The following SORL1 variants were observed in gnomAD, a reference collection of about 807,000 sequenced individuals.
The protein encoded by SORL1 is sortilin-related receptor.
A neutral mutation model predicts 273.7 loss-of-function variants in SORL1; 127 were observed. The ratio of observed to expected loss-of-function variants is 0.46; its 90% CI spans 0.40 to 0.54. SORL1 has a LOEUF of 0.54. SORL1 is among the 20% of genes least tolerant of loss of function. The pLI is 0.00. For synonymous variants in SORL1, 1,031 were observed against 1,067.4 expected, an observed-to-expected ratio of 0.97 and a Z score of 0.66; for missense variants, 2,494 against 2,846.1, an observed-to-expected ratio of 0.88 and a Z score of 2.81.
intron 1 of SORL1, among the ~76,000 whole-genome samples, chr11:121,459,639 C>T (rs532160684): frequency 7.9e-5 from 12 of 152,192 alleles, no homozygotes; most frequent in Non-Finnish European, 1.5e-4. Flanking sequence ...TCTGGCCTTG[C>T]GCAAACACTG....
intron 21 of SORL1, among the ~76,000 whole-genome samples, chr11:121,566,057 G>C (rs1394843975): frequency 1.3e-5 from 2 of 152,114 alleles, no homozygotes; most frequent in Non-Finnish European, 2.9e-5. Flanking sequence ...TTTGTCCTGG[G>C]CCCACCATTA....
chr11:121,617,284 C>G (rs1277735974), intron 41 of SORL1, among the ~76,000 whole-genome samples: 1 of 152,188 alleles, frequency 6.6e-6, no homozygotes, highest in Non-Finnish European at 1.5e-5. Context: ...CCACAAAGGA[C>G]AGCTTTTCAG....
At chr11:121,525,699 A>G (rs1862111025) in intron 11 of SORL1, among the ~76,000 whole-genome samples, 1 of 152,326 alleles carries the variant, frequency 6.6e-6, no homozygotes, top group Admixed American at 6.5e-5. Flanking sequence ...TCATGTGCTC[A>G]TTGGCCATTT....
intron 3 of SORL1, among the ~76,000 whole-genome samples, chr11:121,487,247 G>C (rs2134809615): frequency 6.6e-6 from 1 of 152,330 alleles, no homozygotes; most frequent in South Asian, 2.1e-4. Flanking sequence ...AAGGCATCTT[G>C]GGTTTTTGTG....
chr11:121,569,271 G>A (rs879273900), intron 22 of SORL1, among the ~76,000 whole-genome samples: 36 of 152,170 alleles, frequency 2.4e-4, no homozygotes, highest in Admixed American at 3.9e-4. Flanking sequence ...AAATTGTAGA[G>A]CATGTGTGTT....
intron 5 of SORL1, among the ~76,000 whole-genome samples, chr11:121,495,226 T>C (rs1472736958): frequency 6.6e-6 from 1 of 152,094 alleles, no homozygotes; most frequent in Non-Finnish European, 1.5e-5. Context: ...GCTACAGGTG[T>C]ACGCCAGCAT....
At position 121,596,190 on chromosome 11, in the gene SORL1, AC is replaced by A. The variant is rs955881881; in HGVS notation, c.4519+422del. Among the ~76,000 whole-genome samples the A allele has an allele frequency of 4.6e-5, 7 of 152,122 alleles. No individual in the cohort carries two copies. The highest frequency in any genetic ancestry group is 8.8e-5 in the Non-Finnish European group (6 of 68,020). On this transcript the variant is annotated intron_variant, in intron 32 of 47. Transcript: ENST00000260197. The surrounding 1 kb of genome is among the most constrained non-coding windows in gnomAD (Gnocchi z 4.3). ...TGTTATTAGAGGGTTTGCCTCTAGC[AC>A]CCCATTAAGAAAATTCATTCTCAGT...
intron 2 of SORL1, among the ~76,000 whole-genome samples, chr11:121,476,694 C>T (rs1378918956): frequency 1.3e-5 from 2 of 148,492 alleles, no homozygotes; most frequent in South Asian, 2.2e-4. Context: ...GCCCTTCCTT[C>T]CCTCCCTCCC....
At chr11:121,526,447 C>T (rs902800769) in intron 11 of SORL1, among the ~76,000 whole-genome samples, 2 of 152,064 alleles carry the variant, frequency 1.3e-5, no homozygotes, top group Non-Finnish European at 2.9e-5. Context: ...TATTGTAGGT[C>T]GTTCGTATTT....
rs1006118675 is a variant in SORL1, at chr11:121,550,720, A to C, written c.2266+50A>C. ...TCATTTCTTGAGACATGGTTGAAGC[A>C]GTATCACGATCTCACCCAAGTCCGG... On this transcript the variant is annotated intron_variant, in intron 16 of 47. Transcript: ENST00000260197. The surrounding 1 kb of genome is among the most constrained non-coding windows in gnomAD (Gnocchi z 5.3). The C allele has an allele frequency of 1.0e-5, 15 of 1,463,956 alleles. No homozygotes were observed. Among genetic ancestry groups the C allele is most frequent in the Admixed American group, 6.9e-5 (4 of 57,630 alleles). The allele number at this position is 1,463,956 out of a possible 1,614,324, so 90.7% of individuals were successfully genotyped here.
rs751887878 is a variant in SORL1 at position 121,619,936 on chromosome 11, C to T, written c.5889+19C>T. Reference sequence around the variant, plus strand: ...GGACTTGGTGAGTGGGTTGGGCTTCCAGGCCTCTTTGTTTATTCCTGGCCT... The same window carrying T: ...GGACTTGGTGAGTGGGTTGGGCTTCTAGGCCTCTTTGTTTATTCCTGGCCT... On this transcript the variant is annotated intron_variant, in intron 43 of 47. Coordinates refer to ENST00000260197, the MANE Select transcript of SORL1 (RefSeq NM_003105.6). 5.0e-6 allele frequency: 8 copies of T among 1,606,380 alleles called. No individual in the cohort carries two copies. The highest frequency in any genetic ancestry group is 2.2e-5 in the South Asian group (2 of 90,852).
intron 25 of SORL1, among the ~76,000 whole-genome samples, chr11:121,577,602 T>A (rs1274178674): frequency 6.6e-6 from 1 of 152,252 alleles, no homozygotes; most frequent in African/African-American, 2.4e-5. Flanking sequence ...TGCTTTCAAC[T>A]GATTAAACAG....
chr11:121,614,818 C>T, intron 40 of SORL1, 53 bp from the exon 41 acceptor site: 1 of 1,485,850 alleles, frequency 6.7e-7, no homozygotes, highest in Admixed American at 1.8e-5. Context: ...AAGACACGTT[C>T]TTGACTAACA....
intron 21 of SORL1, among the ~76,000 whole-genome samples, chr11:121,564,555 G>GT (rs902350952): frequency 2.0e-5 from 3 of 151,974 alleles, no homozygotes; most frequent in African/African-American, 4.8e-5. Context: ...TAATAGAGTA[G>GT]TTTTTTTTAT....
At chr11:121,553,377 C>T (rs1862533373) in intron 16 of SORL1, among the ~76,000 whole-genome samples, 2 of 152,174 alleles carry the variant, frequency 1.3e-5, no homozygotes, top group Admixed American at 1.3e-4. Context: ...TGTTGTGGAA[C>T]ATTTTGTAAA....
chr11:121,572,215 T>C (rs1862854149), intron 23 of SORL1, among the ~76,000 whole-genome samples: 1 of 152,164 alleles, frequency 6.6e-6, no homozygotes, highest in African/African-American at 2.4e-5. Context: ...CTGAATCTTG[T>C]ATTGGCTCCG....
At chr11:121,520,901 G>A (rs1862032423) in intron 9 of SORL1, 52 bp downstream of exon 9, 4 of 1,323,374 alleles carry the variant, frequency 3.0e-6, no homozygotes, top group Non-Finnish European at 4.1e-6. Context: ...AAAGAGCCCT[G>A]CTCTGTGGTA....
At chr11:121,480,887 C>T (rs185005087) in intron 3 of SORL1, among the ~76,000 whole-genome samples, 3 of 143,670 alleles carry the variant, frequency 2.1e-5, no homozygotes, top group East Asian at 4.4e-4. Context: ...CAGCTTCTTC[C>T]GTAGTGCACA....
chr11:121,590,982 T>C lies in SORL1; in HGVS notation c.4214-19T>C, dbSNP rs757468245. ...CTGCTTCTAATGTTTTGGGTTTCCGTGCTTGGTGTTTTTCTCAGATTCACA... is the reference window on the plus strand; with the variant it reads ...CTGCTTCTAATGTTTTGGGTTTCCGCGCTTGGTGTTTTTCTCAGATTCACA... On this transcript the variant is annotated intron_variant, in intron 30 of 47. Coordinates refer to ENST00000260197, the MANE Select transcript of SORL1 (RefSeq NM_003105.6). 3.1e-6 allele frequency: 5 copies of C among 1,614,200 alleles called. No homozygotes were observed. Among genetic ancestry groups the C allele is most frequent in the Non-Finnish European group, 4.2e-6 (5 of 1,180,004 alleles).
Sources: allele counts gnomAD v4.1 joint callset (sites outside exome capture counted in the v4.1 genomes callset), GRCh38; gene constraint gnomAD v4.1.1; non-coding constraint Gnocchi (gnomAD v3.1); transcripts MANE v1.5; gene names NCBI Gene and HGNC (gene_info 2026-07-23, HGNC 2026-07-21).